MAPK4: variants seen among roughly 807,000 people sequenced by gnomAD.
The protein encoded by MAPK4 is mitogen-activated protein kinase 4, also known as Erk3-related.
A neutral mutation model predicts 47.7 loss-of-function variants in MAPK4; 22 were observed. The observed-to-expected ratio is 0.46, with a 90% CI of 0.33 to 0.66. The LOEUF (loss-of-function observed/expected upper bound fraction) is 0.66. MAPK4 is among the 30% of genes least tolerant of loss of function. The pLI is 0.02. For synonymous variants in MAPK4, 390 were observed against 365.7 expected (o/e 1.07, Z -0.76); for missense variants, 736 against 831.7 (o/e 0.88, Z 1.42).
At chr18:50,728,233 C>T (rs1308123413) in intron 5 of MAPK4, among the ~76,000 whole-genome samples, 1 of 152,184 alleles carries the variant, frequency 6.6e-6, no homozygotes, top group Non-Finnish European at 1.5e-5. Context: ...GTAGAGCACC[C>T]GCACAAGGAA....
At chr18:50,716,351 CCT>C (rs1910636012) in intron 3 of MAPK4, among the ~76,000 whole-genome samples, 1 of 152,178 alleles carries the variant, frequency 6.6e-6, no homozygotes. Context: ...TCTCCTCCTC[CCT>C]CTCTGGCAAT....
At chr18:50,563,785 C>T (rs2042174828) in intron 1 of MAPK4, among the ~76,000 whole-genome samples, 1 of 152,200 alleles carries the variant, frequency 6.6e-6, no homozygotes, top group Non-Finnish European at 1.5e-5. Flanking sequence ...TGCTCTCTTC[C>T]TCTCCATCAT....
chr18:50,701,234 G>A (rs1051605784), intron 2 of MAPK4, among the ~76,000 whole-genome samples: 11 of 141,110 alleles, frequency 7.8e-5, no homozygotes, highest in African/African-American at 2.7e-4. Flanking sequence ...ACTCTGGTCA[G>A]GGCCAGATTT....
intron 2 of MAPK4, among the ~76,000 whole-genome samples, chr18:50,674,497 G>A (rs1033663708): frequency 3.3e-5 from 5 of 151,930 alleles, no homozygotes; most frequent in African/African-American, 7.3e-5. Flanking sequence ...CCTTATCCTC[G>A]CCTCATCCGC....
chr18:50,604,951 G>A (rs2042570073), intron 1 of MAPK4, among the ~76,000 whole-genome samples: 1 of 152,224 alleles, frequency 6.6e-6, no homozygotes, highest in African/African-American at 2.4e-5. Context: ...AAGAGACAGA[G>A]CCTTAAATTA....
intron 1 of MAPK4, among the ~76,000 whole-genome samples, chr18:50,599,313 A>C (rs951336721): frequency 6.6e-6 from 1 of 152,158 alleles, no homozygotes; most frequent in Non-Finnish European, 1.5e-5. Flanking sequence ...TAAAAACCCT[A>C]TCAGTCTTTT....
chr18:50,707,993 G>T (rs574172532), intron 2 of MAPK4, among the ~76,000 whole-genome samples: 1 of 152,190 alleles, frequency 6.6e-6, no homozygotes, highest in Non-Finnish European at 1.5e-5. Flanking sequence ...TTAGCCAAAC[G>T]ATTTCTTCAC....
chr18:50,666,797 C>T (rs115739253), intron 2 of MAPK4, among the ~76,000 whole-genome samples: 2,511 of 152,214 alleles, frequency 0.016, 82 homozygotes, highest in African/African-American at 0.058. Context: ...CACCTCCTCC[C>T]TCATACACTT....
chr18:50,697,672 CA>C (rs1909584617), intron 2 of MAPK4, among the ~76,000 whole-genome samples: 1 of 152,114 alleles, frequency 6.6e-6, no homozygotes, highest in Admixed American at 6.5e-5. Context: ...GGGCAGGGGA[CA>C]GGGGAAGCTG....
chr18:50,634,315 CT>C (rs5824846), intron 1 of MAPK4, among the ~76,000 whole-genome samples: 7 of 143,808 alleles, frequency 4.9e-5, no homozygotes, highest in African/African-American at 2.6e-5. Context: ...TTTTTTTTTT[CT>C]TTTTTTTTTT....
At chr18:50,647,596 C>T (rs1033083363) in intron 1 of MAPK4, among the ~76,000 whole-genome samples, 5 of 152,118 alleles carry the variant, frequency 3.3e-5, no homozygotes, top group African/African-American at 9.7e-5. Context: ...AGAATTTTAC[C>T]GTCGGCTCAA....
chr18:50,711,697 C>T (rs1425070502), intron 2 of MAPK4, among the ~76,000 whole-genome samples: 1 of 152,224 alleles, frequency 6.6e-6, no homozygotes, highest in Non-Finnish European at 1.5e-5. Context: ...CCAAAAGAAG[C>T]TGAAACTATC....
chr18:50,697,654 A>T (rs566665549), intron 2 of MAPK4, among the ~76,000 whole-genome samples: 23 of 152,308 alleles, frequency 1.5e-4, no homozygotes, highest in African/African-American at 5.5e-4. Context: ...ACACTAAAAT[A>T]TTTAAATGGG....
In MAPK4 at chr18:50,654,794, C is replaced by T. The variant is rs2043089674; in HGVS notation, c.-870-8295C>T. ...CAGGGACCCAGATGCTCCCCTTCCCCAGCTTTGCTGATGTGGTGCTGGAGT... is the reference window on the plus strand; with the variant it reads ...CAGGGACCCAGATGCTCCCCTTCCCTAGCTTTGCTGATGTGGTGCTGGAGT... On this transcript the variant is annotated intron_variant, in intron 1 of 5. Coordinates refer to ENST00000400384, the MANE Select transcript of MAPK4 (RefSeq NM_002747.4). Among the ~76,000 whole-genome samples the T allele has an allele frequency of 2.6e-5, 4 of 152,338 alleles. No homozygotes were observed. The South Asian group carries it at 8.3e-4, about 32-fold the overall frequency.
chr18:50,646,362 G>A (rs980715889), intron 1 of MAPK4, among the ~76,000 whole-genome samples: 1 of 152,146 alleles, frequency 6.6e-6, no homozygotes, highest in African/African-American at 2.4e-5. Flanking sequence ...GCACTACAAG[G>A]GTGACTTACC....
intron 1 of MAPK4, among the ~76,000 whole-genome samples, chr18:50,628,668 T>C (rs2042802939): frequency 6.6e-6 from 1 of 152,198 alleles, no homozygotes; most frequent in Admixed American, 6.5e-5. Flanking sequence ...TAAGAGCCCA[T>C]CAGGAGCAGA....
chr18:50,609,959 A>G (rs1376909015), intron 1 of MAPK4, among the ~76,000 whole-genome samples: 1 of 152,234 alleles, frequency 6.6e-6, no homozygotes, highest in Non-Finnish European at 1.5e-5. Flanking sequence ...CATCGCTCCA[A>G]TAATTCCTTC....
At chr18:50,594,894 T>G (rs1183183927) in intron 1 of MAPK4, among the ~76,000 whole-genome samples, 1 of 152,110 alleles carries the variant, frequency 6.6e-6, no homozygotes, top group African/African-American at 2.4e-5. Context: ...GATGAACCAC[T>G]CAGTGAAAAA....
intron 2 of MAPK4, among the ~76,000 whole-genome samples, chr18:50,702,161 C>A (rs1220447961): frequency 6.4e-3 from 611 of 95,816 alleles, no homozygotes; most frequent in Non-Finnish European, 7.1e-3. Flanking sequence ...GATTCTGTCT[C>A]AAAAAAAAAA....
Sources: gnomAD v4.1 joint callset for allele counts (sites outside exome capture counted in the v4.1 genomes callset) on GRCh38, gnomAD v4.1.1 for gene constraint, MANE v1.5 for transcripts, NCBI Gene and HGNC (gene_info 2026-07-23, HGNC 2026-07-21) for gene names.